Variants in PPP2R1B observed in about 807,000 individuals in gnomAD.
PPP2R1B encodes serine/threonine-protein phosphatase 2A 65 kDa regulatory subunit A beta isoform.
In PPP2R1B, 58 loss-of-function variants were observed where a neutral mutation model predicts 72.7. That is an observed-to-expected ratio of 0.80 (90% CI 0.65 to 0.99). The LOEUF is 0.99. Among genes scored for constraint, PPP2R1B ranks in the 50% least tolerant of loss-of-function variants. PPP2R1B has a pLI of 0.00. For synonymous variants in PPP2R1B, 256 were observed against 264.6 expected, an observed-to-expected ratio of 0.97 and a Z score of 0.32; for missense variants, 695 against 733.6, an observed-to-expected ratio of 0.95 and a Z score of 0.61.
intron 1 of PPP2R1B, among the ~76,000 whole-genome samples, 178 bp from the exon 2 acceptor site, chr11:111,765,562 C>T (rs1248574355): frequency 2.6e-5 from 4 of 152,182 alleles, no homozygotes; most frequent in Non-Finnish European, 4.4e-5. Flanking sequence ...TGTAACTCGG[C>T]CTCACTAGCC....
At chr11:111,719,020 CCT>C in the PPP2R1B span, among the ~76,000 whole-genome samples, 1 of 152,128 alleles carries the variant, frequency 6.6e-6, no homozygotes, top group African/African-American at 2.4e-5. Flanking sequence ...TGCGCTCACC[CCT>C]GTGGGATAGG....
chr11:111,712,930 C>T, the PPP2R1B span, among the ~76,000 whole-genome samples: 6 of 152,194 alleles, frequency 3.9e-5, no homozygotes, highest in East Asian at 3.9e-4. Context: ...TTTGGGAGGC[C>T]GAGGCGGGCA....
chr11:111,712,517 T>C, the PPP2R1B span: 1 of 834,142 alleles, frequency 1.2e-6, no homozygotes, highest in Non-Finnish European at 1.8e-6. Context: ...AGAAAAACCT[T>C]AGAACAGTGT....
At chr11:111,716,280 G>T in the PPP2R1B span, among the ~76,000 whole-genome samples, 54 of 152,208 alleles carry the variant, frequency 3.5e-4, no homozygotes, top group Non-Finnish European at 7.4e-5. Context: ...TACACACAAG[G>T]TCTGAAAAGG....
At chr11:111,765,680 G>A (rs1945501409) in intron 1 of PPP2R1B, 2 of 508,818 alleles carry the variant, frequency 3.9e-6, no homozygotes, top group East Asian at 5.0e-5. Context: ...GAGCACTTTG[G>A]CAGTGGTGAA....
downstream of PPP2R1B, among the ~76,000 whole-genome samples, chr11:111,733,931 C>A (rs1944268075): frequency 6.6e-6 from 1 of 152,182 alleles, no homozygotes; most frequent in Non-Finnish European, 1.5e-5. Context: ...CACCTGGCCA[C>A]CCTCCAGGCA....
chr11:111,741,970 C>T, intron 14 of PPP2R1B, 83 bp downstream of exon 14: 1 of 1,151,260 alleles, frequency 8.7e-7, no homozygotes, highest in Non-Finnish European at 1.3e-6. Flanking sequence ...TATCATCCTA[C>T]CCACTTAACA....
chr11:111,756,141 C>T lies in PPP2R1B; in HGVS notation c.688-691G>A, dbSNP rs1158757096. 7.3e-5 allele frequency among the ~76,000 whole-genome samples: 11 copies of T among 150,530 alleles called. No individual in the cohort carries two copies. In the East Asian group the frequency reaches 7.9e-4, roughly 11 times the overall value. On this transcript the variant is annotated intron_variant, in intron 5 of 14. Transcript: ENST00000527614. The stretch of plus-strand genomic sequence containing the variant: ...AGGCGAATGGCGTGAACCCAGCAGG[C>T]GGAGCTTGCAGTGAGCCGAGACTGC...
At chr11:111,734,229 T>A (rs954807717), downstream of PPP2R1B, among the ~76,000 whole-genome samples, 9 of 152,234 alleles carry the variant, frequency 5.9e-5, no homozygotes, top group African/African-American at 2.2e-4. Context: ...AGAAAATGGC[T>A]GCTTCTTGCC....
intron 1 of PPP2R1B, 188 bp downstream of exon 1, chr11:111,766,060 G>C: frequency 1.6e-6 from 1 of 626,662 alleles, no homozygotes; most frequent in African/African-American, 1.8e-5. Flanking sequence ...TTACTAGAGA[G>C]GTACCCGGGA....
At position 111,741,309 on chromosome 11, in the gene PPP2R1B, A is replaced by C; in HGVS notation, c.*287T>G. 1.6e-6 allele frequency: 2 copies of C among 1,220,092 alleles called. No individual in the cohort carries two copies. Among genetic ancestry groups the C allele is most frequent in the South Asian group, 2.3e-5 (1 of 42,846 alleles). The allele number at this position is 1,220,092 out of a possible 1,614,324, so 75.6% of individuals were successfully genotyped here. A position where few individuals can be genotyped will look rare whatever the true frequency, so the allele number is the denominator to read the frequency against. On this transcript the variant is annotated 3_prime_UTR_variant, in exon 15 of 15. Coordinates refer to ENST00000527614, the MANE Select transcript of PPP2R1B (RefSeq NM_002716.5). ...GCTGGTGCCTGATTCCACAGTGAGGATGCAGGAGCCCAGGTGGTGATGGAT... is the reference window on the plus strand; with the variant it reads ...GCTGGTGCCTGATTCCACAGTGAGGCTGCAGGAGCCCAGGTGGTGATGGAT...
the PPP2R1B span, among the ~76,000 whole-genome samples, chr11:111,708,847 CAA>C: frequency 6.6e-6 from 1 of 152,130 alleles, no homozygotes; most frequent in Non-Finnish European, 1.5e-5. Flanking sequence ...CGTGACCTCC[CAA>C]AGTGTCGGGA....
chr11:111,724,262 A>G, downstream of PPP2R1B: 1 of 1,289,888 alleles, frequency 7.8e-7, no homozygotes, highest in Non-Finnish European at 1.0e-6. Context: ...CCCAACTGGA[A>G]TCAGAGGGTC....
chr11:111,744,553 C>G (rs190168680), intron 11 of PPP2R1B, among the ~76,000 whole-genome samples: 3 of 152,180 alleles, frequency 2.0e-5, no homozygotes, highest in Non-Finnish European at 4.4e-5. Flanking sequence ...AAAAACAAGC[C>G]TGGTGTCACT....
chr11:111,743,593 T>G (rs1944602007), intron 11 of PPP2R1B, 63 bp from the exon 12 acceptor site: 2 of 1,541,254 alleles, frequency 1.3e-6, no homozygotes, highest in Non-Finnish European at 1.7e-6. Context: ...TAACCTAGTT[T>G]ACTTACATGA....
chr11:111,753,651 G>A (rs1439670882), intron 8 of PPP2R1B, 74 bp from the exon 9 acceptor site: 13 of 1,478,500 alleles, frequency 8.8e-6, no homozygotes, highest in African/African-American at 2.8e-5. Flanking sequence ...CTGGGAAACA[G>A]AGTCTTGCTC....
downstream of PPP2R1B, chr11:111,722,873 G>C: frequency 2.3e-6 from 2 of 882,838 alleles, no homozygotes; most frequent in Non-Finnish European, 3.5e-6. The surrounding 1 kb of genome is among the most constrained non-coding windows in gnomAD (Gnocchi z 4.4). Flanking sequence ...GGTTTTCTGC[G>C]TGTGTCACAG....
intron 12 of PPP2R1B, 38 bp from the exon 13 acceptor site, chr11:111,742,703 TA>T (rs1459606085): frequency 6.6e-7 from 1 of 1,514,644 alleles, no homozygotes; most frequent in Admixed American, 2.2e-5. Context: ...TAAAATACTT[TA>T]AAAAATTCCA....
At chr11:111,694,105 G>C in the PPP2R1B span, among the ~76,000 whole-genome samples, 26 of 152,190 alleles carry the variant, frequency 1.7e-4, no homozygotes, top group Non-Finnish European at 2.6e-4. Context: ...TAAATTGTTA[G>C]ATAAAGCTCC....
Sources: gnomAD v4.1 joint callset for allele counts (sites outside exome capture counted in the v4.1 genomes callset) on GRCh38, gnomAD v4.1.1 for gene constraint, Gnocchi (gnomAD v3.1) non-coding constraint, MANE v1.5 for transcripts, NCBI Gene and HGNC (gene_info 2026-07-23, HGNC 2026-07-21) for gene names.